Variants in KCNV1 observed in about 807,000 individuals in gnomAD.
KCNV1 encodes the protein potassium voltage-gated channel modifier subfamily V member 1.
Under a neutral mutation model 36.4 loss-of-function variants are expected in KCNV1, and 2 were observed. That is an observed-to-expected ratio of 0.05 (90% confidence interval 0.02 to 0.17). The LOEUF is 0.17. KCNV1 is among the 10% of genes least tolerant of loss of function. The pLI, the probability that KCNV1 is intolerant of heterozygous loss-of-function variation, is 1.00. For synonymous variants in KCNV1, 280 were observed against 261.1 expected (o/e 1.07, Z -0.70); for missense variants, 321 against 643.6 (o/e 0.50, Z 5.42).
chr8:109,968,655 C>G lies in KCNV1; in HGVS notation c.992-56G>C. The G allele has an allele frequency of 2.0e-6, 3 of 1,518,790 alleles. No homozygotes were observed. The highest frequency in any genetic ancestry group is 2.7e-6 in the Non-Finnish European group (3 of 1,125,418). The allele number at this position is 1,518,790 out of a possible 1,614,324, so 94.1% of individuals were successfully genotyped here. On this transcript the variant is annotated intron_variant, in intron 3 of 3. Coordinates refer to ENST00000524391, the MANE Select transcript of KCNV1 (RefSeq NM_014379.4). This position sits in a 1 kb window ranked among gnomAD's most constrained non-coding sequence, Gnocchi z 5.3. Reference sequence around the variant, plus strand: ...GCATCCCTCTTCTCTCTCTTCCTTCCCTCCCCTCCCCTCTCCCTCCTTGCT... The same window carrying G: ...GCATCCCTCTTCTCTCTCTTCCTTCGCTCCCCTCCCCTCTCCCTCCTTGCT...
rs1281740191 is a variant in KCNV1, at chr8:109,972,282, G to A, written c.967C>T (p.Leu323=). ...VLRLLRALRM[L]KLGRHSTGLR... Reference sequence around the variant, plus strand: ...CCTGTGGAATGTCTGCCCAGCTTTAGCATGCGCAGAGCCCTGAGCAGCCTC... The same window carrying A: ...CCTGTGGAATGTCTGCCCAGCTTTAACATGCGCAGAGCCCTGAGCAGCCTC... Residue 323 remains leucine, a synonymous_variant, in exon 3 of 4, where the codon CTA becomes TTA. Transcript: ENST00000524391. This position sits in a 1 kb window ranked among gnomAD's most constrained non-coding sequence, Gnocchi z 5.2. 3 of 1,605,160 alleles carry A rather than the reference G, an allele frequency of 1.9e-6. No homozygotes were observed. Among genetic ancestry groups the A allele is most frequent in the Middle Eastern group, 1.7e-4 (1 of 5,988 alleles).
At chr8:109,970,835 A>C (rs1820001460) in intron 3 of KCNV1, among the ~76,000 whole-genome samples, 1 of 152,130 alleles carries the variant, frequency 6.6e-6, no homozygotes, top group Non-Finnish European at 1.5e-5. Context: ...TTTTAAATTG[A>C]GTCTTGTGAA....
chr8:109,973,741 C>T, intron 2 of KCNV1, among the ~76,000 whole-genome samples, 187 bp downstream of exon 2: 1 of 152,164 alleles, frequency 6.6e-6, no homozygotes, highest in Non-Finnish European at 1.5e-5. Flanking sequence ...AAGTTCTATT[C>T]AAAAGTTGGC....
At position 109,974,329 on chromosome 8, in the gene KCNV1, G is replaced by A. The variant is rs1233575542; in HGVS notation, c.60C>T (p.Ser20=). Residue 20 remains serine, a synonymous_variant, in exon 2 of 4, where the codon TCC becomes TCT. Transcript: ENST00000524391. The surrounding 1 kb of genome is among the most constrained non-coding windows in gnomAD (Gnocchi z 6.2). ...DSPLDSGSLT[S]LDSSVFCSEG... The stretch of plus-strand genomic sequence containing the variant: ...CGCTGCAGAAGACACTAGAGTCCAG[G>A]GAGGTCAGGGAGCCGCTGTCCAGCG... 1 of 1,539,910 alleles carries A rather than the reference G, an allele frequency of 6.5e-7. No individual in the cohort carries two copies. The highest frequency in any genetic ancestry group is 1.7e-4 in the Middle Eastern group (1 of 5,926).
rs1217447946 is a variant in KCNV1, at chr8:109,967,543, G to C, written c.*545C>G. ...AGTGGTTTACATGAAAAAGAAGATA[G>C]GGATATAATCTCTGCCCATCAAATA... On this transcript the variant is annotated 3_prime_UTR_variant, in exon 4 of 4. Transcript: ENST00000524391. The C allele has an allele frequency of 6.5e-6, 1 of 153,092 alleles. No individual in the cohort carries two copies. The highest frequency in any genetic ancestry group is 1.5e-5 in the Non-Finnish European group (1 of 68,672). 9.5% of individuals were successfully genotyped at this position (153,092 alleles called of 1,614,324 possible). A position where few individuals can be genotyped will look rare whatever the true frequency, so the allele number is the denominator to read the frequency against.
Position 109,973,907 on chromosome 8 carries a change from C to T in KCNV1, c.461+21G>A, listed in dbSNP as rs753484410. 4 of 1,552,714 alleles carry T rather than the reference C, an allele frequency of 2.6e-6. No homozygotes were observed. The East Asian group carries it at 7.0e-5, about 27-fold the overall frequency. ...TGCCGCGCCCGCCTCCCCGCCCAGC[C>T]GCCGCGTGCCTCCGGGGTACCTGTC... On this transcript the variant is annotated intron_variant, in intron 2 of 3. Transcript: ENST00000524391.
At chr8:109,969,658 A>G (rs1819985765) in intron 3 of KCNV1, among the ~76,000 whole-genome samples, 1 of 152,054 alleles carries the variant, frequency 6.6e-6, no homozygotes, top group Non-Finnish European at 1.5e-5. Context: ...CAACCTGGCC[A>G]ACATGGTGAA....
chr8:109,970,336 A>G (rs1819995061), intron 3 of KCNV1, among the ~76,000 whole-genome samples: 1 of 152,228 alleles, frequency 6.6e-6, no homozygotes, highest in South Asian at 2.1e-4. Context: ...ACACTGTTTT[A>G]GTTTAAAGGC....
rs1820046437 is a variant in KCNV1 at position 109,973,978 on chromosome 8, G to T, written c.411C>A (p.Ile137=). The T allele has an allele frequency of 6.2e-7, 1 of 1,613,154 alleles. No homozygotes were observed. Among genetic ancestry groups the T allele is most frequent in the Admixed American group, 1.7e-5 (1 of 60,014 alleles). Reference sequence around the variant, plus strand: ...TGAGCTCATCGATGCCCCAGTACTGGATCTCCTGCAGGAAGGAGAGCGCGC... The same window carrying T: ...TGAGCTCATCGATGCCCCAGTACTGTATCTCCTGCAGGAAGGAGAGCGCGC... ...QLCALSFLQE[I]QYWGIDELSI... is the part of the protein sequence containing the mutation. The change falls in exon 2 of 4, where the codon ATC becomes ATA. Residue 137 remains isoleucine (I), a synonymous_variant. Coordinates refer to ENST00000524391, the MANE Select transcript of KCNV1 (RefSeq NM_014379.4).
At position 109,972,456 on chromosome 8, in the gene KCNV1, G is replaced by C; in HGVS notation, c.793C>G (p.Arg265Gly). 1.9e-6 allele frequency: 3 copies of C among 1,614,100 alleles called. No homozygotes were observed. The highest frequency in any genetic ancestry group is 1.7e-6 in the Non-Finnish European group (2 of 1,180,016). ...TTTCTTAGGAAGCGACACCTGTCCC[G>C]CACACACAGGAAGCGGAGGACAAAC... ...GEFVLRFLCV[R>G]DRCRFLRKVP... Residue 265 changes from arginine (R) to glycine (G), a missense_variant, in exon 3 of 4, where the codon CGG becomes GGG. This residue lies in a region of KCNV1 where 141 missense variants were observed against 225.0 expected (regional missense o/e 0.63). Transcript: ENST00000524391. The surrounding 1 kb of genome is among the most constrained non-coding windows in gnomAD (Gnocchi z 5.2).
chr8:109,969,254 A>G (rs955530351), intron 3 of KCNV1, among the ~76,000 whole-genome samples: 2 of 152,198 alleles, frequency 1.3e-5, no homozygotes, highest in Admixed American at 6.5e-5. Flanking sequence ...GCAGTATGTC[A>G]GGAGGAGGTC....
rs1436321580 is a variant in KCNV1, at chr8:109,964,789, G to A, written c.*3299C>T. 6.6e-6 allele frequency: 1 copy of A among 152,144 alleles called. No homozygotes were observed. The highest frequency in any genetic ancestry group is 1.5e-5 in the Non-Finnish European group (1 of 68,032). The allele number at this position is 152,144 out of a possible 1,614,324, so 9.4% of individuals were successfully genotyped here. A position where few individuals can be genotyped will look rare whatever the true frequency, so the allele number is the denominator to read the frequency against. On this transcript the variant is annotated 3_prime_UTR_variant, in exon 4 of 4. Coordinates refer to ENST00000524391, the MANE Select transcript of KCNV1 (RefSeq NM_014379.4). ...TCTCACTTATAAGTGGGAGCTAAAT[G>A]ATGAGAGCACATGAACACATAGAGG...
chr8:109,968,346 C>A lies in KCNV1; in HGVS notation c.1245G>T (p.Ser415=). ...TAGGCAAGGCCAAGACAAGAATTCC[C>A]GATAATATACACATGAAGGCCACGA... The part of the protein sequence containing the change: ...GKIVAFMCIL[S]GILVLALPIA... The change falls in exon 4 of 4, where the codon TCG becomes TCT. Residue 415 remains serine, a synonymous_variant. Transcript: ENST00000524391. This position sits in a 1 kb window ranked among gnomAD's most constrained non-coding sequence, Gnocchi z 5.3. The A allele has an allele frequency of 6.2e-7, 1 of 1,614,100 alleles. No homozygotes were observed. Among genetic ancestry groups the A allele is most frequent in the Non-Finnish European group, 8.5e-7 (1 of 1,180,028 alleles).
chr8:109,974,619 A>G lies in KCNV1; in HGVS notation c.-231T>C, dbSNP rs532497362. The G allele has an allele frequency of 3.6e-5, 21 of 577,790 alleles. No individual in the cohort carries two copies. The highest frequency in any genetic ancestry group is 5.8e-5 in the Non-Finnish European group (19 of 327,028). The allele number at this position is 577,790 out of a possible 1,614,324, so 35.8% of individuals were successfully genotyped here. On this transcript the variant is annotated 5_prime_UTR_variant, in exon 2 of 4. Coordinates refer to ENST00000524391, the MANE Select transcript of KCNV1 (RefSeq NM_014379.4). This position sits in a 1 kb window ranked among gnomAD's most constrained non-coding sequence, Gnocchi z 6.2. ...AGCGCACAAGTGGCAGAAAGAGGAG[A>G]CAGGGAGCAGAGGAAGGGTCGCGCT...
Position 109,974,811 on chromosome 8 carries a change from G to T in KCNV1, c.-423C>A. 1 of 189,480 alleles carries T rather than the reference G, an allele frequency of 5.3e-6. No homozygotes were observed. The highest frequency in any genetic ancestry group is 1.1e-5 in the Non-Finnish European group (1 of 91,576). The allele number at this position is 189,480 out of a possible 1,614,324, so 11.7% of individuals were successfully genotyped here. Reference sequence around the variant, plus strand: ...GACTCGCTACTTGGTGGGTGGAGGGGTTGGGGAAGGGAGGAAGGAGGGAGA... The same window carrying T: ...GACTCGCTACTTGGTGGGTGGAGGGTTTGGGGAAGGGAGGAAGGAGGGAGA... On this transcript the variant is annotated 5_prime_UTR_variant, in exon 2 of 4. Coordinates refer to ENST00000524391, the MANE Select transcript of KCNV1 (RefSeq NM_014379.4). The surrounding 1 kb of genome is among the most constrained non-coding windows in gnomAD (Gnocchi z 6.2).
At position 109,968,226 on chromosome 8, in the gene KCNV1, G is replaced by C; in HGVS notation, c.1365C>G (p.Thr455=). Residue 455 remains threonine, a synonymous_variant, in exon 4 of 4, where the codon ACC becomes ACG. Transcript: ENST00000524391. The surrounding 1 kb of genome is among the most constrained non-coding windows in gnomAD (Gnocchi z 5.3). ...TATATGAGTCAGTGGCTATATTCTT[G>C]GTAAGCTTCTTTAGGGCTTCACGCT... ...VRQREALKKL[T]KNIATDSYIS... The C allele has an allele frequency of 1.2e-6, 2 of 1,614,080 alleles. No homozygotes were observed. The highest frequency in any genetic ancestry group is 1.7e-6 in the Non-Finnish European group (2 of 1,180,018).
chr8:109,972,477 C>A lies in KCNV1; in HGVS notation c.772G>T (p.Val258Phe). The change falls in exon 3 of 4, where the codon GTC becomes TTC. Residue 258 changes from valine to phenylalanine, a missense_variant. Physicochemically the swap from Val to Phe is conservative, Grantham distance 50. This residue lies in a region of KCNV1 where 141 missense variants were observed against 225.0 expected (regional missense o/e 0.63). Coordinates refer to ENST00000524391, the MANE Select transcript of KCNV1 (RefSeq NM_014379.4). This position sits in a 1 kb window ranked among gnomAD's most constrained non-coding sequence, Gnocchi z 5.2. The stretch of plus-strand genomic sequence containing the variant: ...TCCCGCACACACAGGAAGCGGAGGA[C>A]AAACTCCCCGGTGAACCAGCTAATG... ...VCISWFTGEF[V>F]LRFLCVRDRC... 6.2e-7 allele frequency: 1 copy of A among 1,614,170 alleles called. No individual in the cohort carries two copies. The highest frequency in any genetic ancestry group is 1.1e-5 in the South Asian group (1 of 91,082).
At position 109,967,373 on chromosome 8, in the gene KCNV1, C is replaced by G. The variant is rs1298385859; in HGVS notation, c.*715G>C. ...ATACTAAGAAATATGCTGTTTTATG[C>G]TCCACATACTACACTCAGTTGGGAG... On this transcript the variant is annotated 3_prime_UTR_variant, in exon 4 of 4. Coordinates refer to ENST00000524391, the MANE Select transcript of KCNV1 (RefSeq NM_014379.4). 1.3e-5 allele frequency: 2 copies of G among 152,164 alleles called. No individual in the cohort carries two copies. The highest frequency in any genetic ancestry group is 3.8e-4 in the East Asian group (2 of 5,198). 9.4% of individuals were successfully genotyped at this position (152,164 alleles called of 1,614,324 possible).
intron 3 of KCNV1, among the ~76,000 whole-genome samples, chr8:109,969,835 AC>A (rs1210937580): frequency 6.8e-6 from 1 of 147,138 alleles, no homozygotes; most frequent in Non-Finnish European, 1.5e-5. Flanking sequence ...ATAGAATGAG[AC>A]TCCCTCTCAA....
Sources: gnomAD v4.1 joint callset for allele counts (sites outside exome capture counted in the v4.1 genomes callset) on GRCh38, gnomAD v4.1.1 for gene constraint, gnomAD v4.1.1 regional missense constraint, Gnocchi (gnomAD v3.1) non-coding constraint, MANE v1.5 for transcripts, NCBI Gene and HGNC (gene_info 2026-07-23, HGNC 2026-07-21) for gene names.